GALNTL6: variants seen among roughly 807,000 people sequenced by gnomAD.
GALNTL6 encodes the protein polypeptide N-acetylgalactosaminyltransferase like 6.
GALNTL6 carries 46 observed loss-of-function variants against 73.7 expected under a neutral mutation model. The ratio of observed to expected loss-of-function variants is 0.62; its 90% CI spans 0.49 to 0.80. The LOEUF is 0.80. GALNTL6 is among the 30% of genes least tolerant of loss of function. The pLI is 0.00. For synonymous variants in GALNTL6, 259 were observed against 263.7 expected (o/e 0.98, Z 0.17); for missense variants, 604 against 755.0 (o/e 0.80, Z 2.34).
chr4:172,480,110 A>C (rs2111479770), intron 5 of GALNTL6, among the ~76,000 whole-genome samples: 1 of 152,146 alleles, frequency 6.6e-6, no homozygotes, highest in South Asian at 2.1e-4. Context: ...AAATTCCTTG[A>C]GGCCAGGAGT....
In GALNTL6 at chr4:172,677,409, G is replaced by A. The variant is rs150555653; in HGVS notation, c.554-131952G>A. On this transcript the variant is annotated intron_variant, in intron 5 of 12. Transcript: ENST00000506823. ...CTCCACCTTGGAGAAAGATAAAAGG[G>A]GAGAGGGGGAGAAATGCCTTTAGCA... Among the ~76,000 whole-genome samples the A allele has an allele frequency of 3.2e-3, 483 of 152,244 alleles. 1 individual carries two copies. Among genetic ancestry groups the A allele is most frequent in the Admixed American group, 7.9e-3 (120 of 15,286 alleles).
chr4:173,031,729 A>G (rs1753469514), intron 12 of GALNTL6, among the ~76,000 whole-genome samples: 2 of 152,336 alleles, frequency 1.3e-5, no homozygotes, highest in South Asian at 4.1e-4. Context: ...GACTTCATGC[A>G]GGTTTACTGA....
chr4:172,573,165 C>T (rs999155960), intron 5 of GALNTL6, among the ~76,000 whole-genome samples: 2 of 152,212 alleles, frequency 1.3e-5, no homozygotes, highest in Middle Eastern at 3.4e-3. Context: ...AATATAAAAA[C>T]AATTATAAAT....
At chr4:171,953,962 C>T (rs2111035552) in intron 2 of GALNTL6, among the ~76,000 whole-genome samples, 1 of 152,180 alleles carries the variant, frequency 6.6e-6, no homozygotes, top group East Asian at 1.9e-4. Context: ...TTCTGGTATA[C>T]ATATTAACTG....
chr4:172,693,565 A>G (rs1055190143), intron 5 of GALNTL6, among the ~76,000 whole-genome samples: 4 of 152,162 alleles, frequency 2.6e-5, no homozygotes, highest in Non-Finnish European at 4.4e-5. Context: ...TGGGCCACAT[A>G]TAGACACCTT....
intron 4 of GALNTL6, among the ~76,000 whole-genome samples, chr4:172,326,816 G>A (rs987468423): frequency 4.0e-5 from 6 of 151,668 alleles, no homozygotes; most frequent in African/African-American, 1.2e-4. Flanking sequence ...ACTTTTTTGA[G>A]GAGTAAAGTT....
intron 5 of GALNTL6, among the ~76,000 whole-genome samples, chr4:172,423,264 C>T (rs1731112836): frequency 6.6e-6 from 1 of 152,032 alleles, no homozygotes; most frequent in African/African-American, 2.4e-5. Flanking sequence ...AAATATGTCA[C>T]ATCATATCAT....
intron 5 of GALNTL6, among the ~76,000 whole-genome samples, chr4:172,535,736 A>C (rs1735326077): frequency 6.6e-6 from 1 of 152,216 alleles, no homozygotes; most frequent in African/African-American, 2.4e-5. Context: ...CTAGGAAAGG[A>C]GTAGCTCAAG....
At chr4:172,168,859 G>A (rs779710594) in intron 2 of GALNTL6, among the ~76,000 whole-genome samples, 11 of 152,118 alleles carry the variant, frequency 7.2e-5, no homozygotes, top group Non-Finnish European at 1.0e-4. Context: ...TTTTTGTGAT[G>A]TTTTTAAACA....
At chr4:172,978,791 C>T (rs982392970) in intron 10 of GALNTL6, among the ~76,000 whole-genome samples, 5 of 152,172 alleles carry the variant, frequency 3.3e-5, no homozygotes, top group Admixed American at 6.5e-5. Context: ...GCAAACACAA[C>T]GATAAACAGA....
chr4:172,663,589 A>G (rs1731496101), intron 5 of GALNTL6, among the ~76,000 whole-genome samples: 1 of 152,178 alleles, frequency 6.6e-6, no homozygotes, highest in Admixed American at 6.5e-5. Context: ...TGGTTTCTGT[A>G]TCAGGTTTGG....
intron 3 of GALNTL6, among the ~76,000 whole-genome samples, chr4:172,235,432 T>G (rs1366956647): frequency 6.6e-6 from 1 of 152,118 alleles, no homozygotes; most frequent in African/African-American, 2.4e-5. Context: ...GTCTAGACCT[T>G]CTGACCTCTG....
Position 172,194,745 on chromosome 4 carries a change from CT to C in GALNTL6, c.139-34910del, listed in dbSNP as rs536910911. ...AAAACCCTTTTCAGACAAGCAAATG[CT>C]GAAGGAATTAGTCACTGCCAGGCCT... On this transcript the variant is annotated intron_variant, in intron 2 of 12. Coordinates refer to ENST00000506823, the MANE Select transcript of GALNTL6 (RefSeq NM_001034845.3). Among the ~76,000 whole-genome samples the C allele has an allele frequency of 2.0e-5, 3 of 152,258 alleles. No homozygotes were observed. In the East Asian group the frequency reaches 5.8e-4, roughly 29 times the overall value.
At chr4:172,017,233 C>T (rs1448826666) in intron 2 of GALNTL6, among the ~76,000 whole-genome samples, 1 of 152,144 alleles carries the variant, frequency 6.6e-6, no homozygotes, top group Non-Finnish European at 1.5e-5. Context: ...TTCAGCTCCC[C>T]TGCCATGTCA....
intron 2 of GALNTL6, among the ~76,000 whole-genome samples, chr4:171,859,745 C>T (rs181467847): frequency 2.1e-4 from 32 of 152,264 alleles, no homozygotes; most frequent in Non-Finnish European, 1.3e-4. Flanking sequence ...GCTTTGGTGT[C>T]CAGGGTTTAT....
intron 2 of GALNTL6, among the ~76,000 whole-genome samples, chr4:172,223,195 G>T (rs112667218): frequency 1.0e-3 from 157 of 152,010 alleles, no homozygotes; most frequent in Middle Eastern, 3.4e-3. Context: ...CCAGTTCAAG[G>T]TCTATTTTAT....
intron 2 of GALNTL6, among the ~76,000 whole-genome samples, chr4:171,906,780 A>G (rs1166832951): frequency 6.6e-6 from 1 of 152,184 alleles, no homozygotes; most frequent in Non-Finnish European, 1.5e-5. Flanking sequence ...GCAGCACATC[A>G]AAAAGCTTAT....
intron 2 of GALNTL6, among the ~76,000 whole-genome samples, chr4:172,197,948 A>C (rs982609833): frequency 6.6e-6 from 1 of 152,102 alleles, no homozygotes; most frequent in Non-Finnish European, 1.5e-5. Flanking sequence ...TCTCTACTAA[A>C]AATACAAAAA....
intron 7 of GALNTL6, among the ~76,000 whole-genome samples, chr4:172,858,332 T>C (rs1362566489): frequency 6.6e-6 from 1 of 152,138 alleles, no homozygotes. Flanking sequence ...TGCAGAAAAG[T>C]AAACATAACC....
Sources: gnomAD v4.1 joint callset for allele counts (sites outside exome capture counted in the v4.1 genomes callset) on GRCh38, gnomAD v4.1.1 for gene constraint, MANE v1.5 for transcripts, NCBI Gene and HGNC (gene_info 2026-07-23, HGNC 2026-07-21) for gene names.